Variants in EPHA5 observed in about 807,000 individuals in gnomAD.
EPHA5 encodes EPH receptor A5, also known as ephrin type-A receptor 5.
EPHA5 carries 60 observed loss-of-function variants against 105.0 expected under a neutral mutation model. The observed-to-expected ratio is 0.57, with a 90% CI of 0.46 to 0.71. The LOEUF is 0.71. EPHA5 is among the 30% of genes least tolerant of loss of function. EPHA5 has a pLI of 0.00. For missense variants in EPHA5, 1,218 were observed against 1,274.7 expected (o/e 0.96, Z 0.68); for synonymous variants, 513 against 449.1 (o/e 1.14, Z -1.80).
chr4:65,433,350 C>G (rs532859344), intron 5 of EPHA5, among the ~76,000 whole-genome samples: 2 of 152,236 alleles, frequency 1.3e-5, no homozygotes, highest in African/African-American at 4.8e-5. Context: ...GATTACTAGG[C>G]CTCTCTTCAG....
At chr4:65,651,006 A>G (rs569800754) in intron 1 of EPHA5, among the ~76,000 whole-genome samples, 8 of 152,194 alleles carry the variant, frequency 5.3e-5, no homozygotes, top group Admixed American at 4.6e-4. Context: ...TTCAATTCCA[A>G]TTATGTGGTC....
intron 14 of EPHA5, among the ~76,000 whole-genome samples, chr4:65,338,470 C>T (rs1009905413): frequency 4.6e-5 from 7 of 151,786 alleles, no homozygotes; most frequent in Non-Finnish European, 7.4e-5. Flanking sequence ...TCTTTAGCAC[C>T]CTTTTTTTTT....
chr4:65,644,173 G>A (rs182797242), intron 1 of EPHA5, among the ~76,000 whole-genome samples: 5 of 151,650 alleles, frequency 3.3e-5, no homozygotes, highest in Non-Finnish European at 7.4e-5. Context: ...TTTGAGTACC[G>A]TCATTACAAA....
At chr4:65,393,949 G>A (rs1720970660) in intron 8 of EPHA5, among the ~76,000 whole-genome samples, 1 of 152,152 alleles carries the variant, frequency 6.6e-6, no homozygotes, top group Non-Finnish European at 1.5e-5. Flanking sequence ...TATTCAAGAT[G>A]AGTACATATC....
intron 4 of EPHA5, among the ~76,000 whole-genome samples, chr4:65,493,123 G>A (rs1035683356): frequency 3.3e-5 from 5 of 151,834 alleles, no homozygotes; most frequent in African/African-American, 1.2e-4. Flanking sequence ...GGGGGCACAA[G>A]CAGCTTTAAA....
At chr4:65,593,275 T>G in intron 3 of EPHA5, among the ~76,000 whole-genome samples, 1 of 152,020 alleles carries the variant, frequency 6.6e-6, no homozygotes, top group South Asian at 2.1e-4. Flanking sequence ...GAGAAATATT[T>G]AACTAATGCA....
At chr4:65,566,867 T>A (rs1739589448) in intron 3 of EPHA5, among the ~76,000 whole-genome samples, 1 of 151,786 alleles carries the variant, frequency 6.6e-6, no homozygotes, top group Non-Finnish European at 1.5e-5. Flanking sequence ...TTACATTTCT[T>A]TATTTTTTGA....
At chr4:65,573,495 G>T (rs1740452393) in intron 3 of EPHA5, 1 of 1,574,784 alleles carries the variant, frequency 6.4e-7, no homozygotes, top group Admixed American at 1.8e-5. Flanking sequence ...AGATACTAAA[G>T]AGAAGAAACC....
intron 3 of EPHA5, among the ~76,000 whole-genome samples, chr4:65,501,480 C>T (rs965380438): frequency 6.6e-6 from 1 of 151,200 alleles, no homozygotes; most frequent in Non-Finnish European, 1.5e-5. Context: ...AGCTGAGAGC[C>T]AAATCGAGAA....
intron 11 of EPHA5, among the ~76,000 whole-genome samples, chr4:65,362,732 A>T (rs1717442920): frequency 6.6e-6 from 1 of 151,704 alleles, no homozygotes; most frequent in African/African-American, 2.4e-5. Context: ...TTGTATTATT[A>T]CAAGAAGTTG....
chr4:65,615,895 T>A (rs1047986058), intron 2 of EPHA5, among the ~76,000 whole-genome samples: 11 of 151,864 alleles, frequency 7.2e-5, no homozygotes, highest in African/African-American at 2.7e-4. Context: ...TTAAATTAAA[T>A]CTGAAATTGC....
chr4:65,426,000 C>G (rs1724402076), intron 5 of EPHA5, among the ~76,000 whole-genome samples: 1 of 152,064 alleles, frequency 6.6e-6, no homozygotes, highest in Admixed American at 6.6e-5. Flanking sequence ...CCGCGTCCAC[C>G]CTCGTTGAAG....
chr4:65,508,345 G>A (rs756665462), intron 3 of EPHA5, among the ~76,000 whole-genome samples: 3 of 152,124 alleles, frequency 2.0e-5, no homozygotes, highest in South Asian at 2.1e-4. Context: ...TGTGGTTAAC[G>A]CAATAAAACT....
intron 2 of EPHA5, among the ~76,000 whole-genome samples, chr4:65,632,806 C>T (rs1216569399): frequency 7.2e-5 from 11 of 151,908 alleles, no homozygotes; most frequent in African/African-American, 2.7e-4. Context: ...GAAGTATCCA[C>T]ACTTCTGGGT....
At chr4:65,538,057 T>C (rs184725537) in intron 3 of EPHA5, among the ~76,000 whole-genome samples, 1 of 151,910 alleles carries the variant, frequency 6.6e-6, no homozygotes, top group Admixed American at 6.6e-5. Context: ...GGAAGATGTA[T>C]TTGTCAGAAG....
chr4:65,654,886 T>C (rs942727699), intron 1 of EPHA5, among the ~76,000 whole-genome samples: 5 of 147,292 alleles, frequency 3.4e-5, no homozygotes, highest in Non-Finnish European at 6.0e-5. Flanking sequence ...TTATATATAT[T>C]AAATATATAT....
intron 13 of EPHA5, 88 bp from the exon 14 acceptor site, chr4:65,348,291 G>A (rs1722415797): frequency 8.3e-7 from 1 of 1,199,392 alleles, no homozygotes; most frequent in South Asian, 1.5e-5. Flanking sequence ...TCTAGACAGA[G>A]ATGTAGCATT....
At chr4:65,587,389 C>A (rs1742221232) in intron 3 of EPHA5, among the ~76,000 whole-genome samples, 1 of 152,072 alleles carries the variant, frequency 6.6e-6, no homozygotes, top group African/African-American at 2.4e-5. Context: ...ACAAATGACA[C>A]TTTAATACTC....
chr4:65,456,209 A>C (rs1172245815), intron 5 of EPHA5, among the ~76,000 whole-genome samples: 1 of 152,178 alleles, frequency 6.6e-6, no homozygotes, highest in Non-Finnish European at 1.5e-5. Context: ...AGTGGAAGAA[A>C]AAGGAATTTC....
Sources: allele counts gnomAD v4.1 joint callset (sites outside exome capture counted in the v4.1 genomes callset), GRCh38; gene constraint gnomAD v4.1.1; transcripts MANE v1.5; gene names NCBI Gene and HGNC (gene_info 2026-07-23, HGNC 2026-07-21).